LMO7: variants seen among roughly 807,000 people sequenced by gnomAD.
LMO7 encodes LIM domain only protein 7.
LMO7 carries 120 observed loss-of-function variants against 206.5 expected under a neutral mutation model. The ratio of observed to expected loss-of-function variants is 0.58; its 90% CI spans 0.50 to 0.68. The LOEUF is 0.68. Ranked by LOEUF, LMO7 falls within the 30% of genes least tolerant of loss-of-function variation. The probability of loss-of-function intolerance (pLI) is 0.00; values close to 1 mark genes in which losing one functional copy is unlikely to be tolerated. For synonymous variants in LMO7, 706 were observed against 681.5 expected, an observed-to-expected ratio of 1.04 and a Z score of -0.56; for missense variants, 1,959 against 1,957.9, an observed-to-expected ratio of 1.00 and a Z score of -0.01.
intron 1 of LMO7, among the ~76,000 whole-genome samples, chr13:75,660,232 C>G (rs946334322): frequency 9.9e-5 from 15 of 152,256 alleles, no homozygotes; most frequent in African/African-American, 3.6e-4. Context: ...TGCATTTTAG[C>G]AAGAGGGATT....
intron 1 of LMO7, among the ~76,000 whole-genome samples, chr13:75,702,942 G>A (rs1389335890): frequency 6.6e-6 from 1 of 152,194 alleles, no homozygotes; most frequent in Non-Finnish European, 1.5e-5. Context: ...GTGGTGACAA[G>A]CTTTCAACTT....
intron 28 of LMO7, among the ~76,000 whole-genome samples, chr13:75,854,627 T>C (rs1314424277): frequency 6.6e-6 from 1 of 152,098 alleles, no homozygotes. Context: ...AAAAGACCTG[T>C]ATACAAAAGT....
intron 4 of LMO7, among the ~76,000 whole-genome samples, chr13:75,774,297 G>C (rs2050108149): frequency 6.6e-6 from 1 of 152,070 alleles, no homozygotes; most frequent in African/African-American, 2.4e-5. Flanking sequence ...TATAAGAGGA[G>C]CATACAGTAT....
Position 75,845,374 on chromosome 13 carries a change from A to G in LMO7, c.4145A>G (p.Lys1382Arg). The part of the protein sequence containing the change: ...TTELDDYSTN[K>R]NGNNKYLDQI... ...GAACTGGATGATTACTCCACAAATA[A>G]AAATGGTAAATGCGATATTTTCCCC... The change falls in exon 26 of 31, where the codon AAA becomes AGA. Residue 1382 changes from lysine to arginine, a missense_variant. By Grantham distance (26) the Lys-to-Arg change is conservative. Coordinates refer to ENST00000377534, the MANE Select transcript of LMO7 (RefSeq NM_001306080.2). 1 of 1,580,110 alleles carries G rather than the reference A, an allele frequency of 6.3e-7. No homozygotes were observed. Among genetic ancestry groups the G allele is most frequent in the Non-Finnish European group, 8.7e-7 (1 of 1,152,160 alleles).
At chr13:75,631,774 A>G (rs1391727650), upstream of LMO7, 2 of 152,376 alleles carry the variant, frequency 1.3e-5, no homozygotes, top group Non-Finnish European at 2.9e-5. Context: ...AGCTGGGGGT[A>G]TCTGTTGACC....
intron 4 of LMO7, among the ~76,000 whole-genome samples, chr13:75,773,664 A>G (rs576559790): frequency 6.6e-6 from 1 of 152,178 alleles, no homozygotes; most frequent in Non-Finnish European, 1.5e-5. Context: ...AAGAAACAGA[A>G]AAGGTAGCTG....
In LMO7 at chr13:75,679,396, G is replaced by T. The variant is rs561837739; in HGVS notation, c.70-33786G>T. ...TACTTCTGTCTTCATAGCCAGAGTTGCTGAAACTTGGAAACGAGTAAGACT... is the reference window on the plus strand; with the variant it reads ...TACTTCTGTCTTCATAGCCAGAGTTTCTGAAACTTGGAAACGAGTAAGACT... On this transcript the variant is annotated intron_variant, in intron 1 of 30. Transcript: ENST00000377534. Among the ~76,000 whole-genome samples, 147 of 152,318 alleles carry T rather than the reference G, an allele frequency of 9.7e-4. 1 individual carries two copies. The highest frequency in any genetic ancestry group is 3.5e-3 in the African/African-American group (145 of 41,574).
intron 4 of LMO7, among the ~76,000 whole-genome samples, chr13:75,771,034 T>C (rs2049579383): frequency 6.6e-6 from 1 of 152,134 alleles, no homozygotes; most frequent in Non-Finnish European, 1.5e-5. Flanking sequence ...TATCATGAGT[T>C]GCTTTTTAAC....
At chr13:75,807,387 T>C (rs1005848942) in intron 9 of LMO7, 93 bp from the exon 10 acceptor site, 10 of 1,321,610 alleles carry the variant, frequency 7.6e-6, no homozygotes, top group Non-Finnish European at 9.2e-6. Context: ...GGCTAGTTGG[T>C]CTGCTAATCA....
At chr13:75,793,013 G>A (rs1042449280) in intron 4 of LMO7, among the ~76,000 whole-genome samples, 1 of 152,124 alleles carries the variant, frequency 6.6e-6, no homozygotes, top group African/African-American at 2.4e-5. Context: ...GTGGAAATGA[G>A]GTCAGGGGTT....
intron 2 of LMO7, among the ~76,000 whole-genome samples, chr13:75,721,573 T>C (rs946784820): frequency 1.3e-5 from 2 of 152,212 alleles, no homozygotes; most frequent in African/African-American, 4.8e-5. Context: ...AAATTGGTTT[T>C]TCATTCCTGA....
intron 21 of LMO7, 119 bp downstream of exon 21, chr13:75,840,229 C>T (rs2059462036): frequency 7.2e-7 from 1 of 1,379,684 alleles, no homozygotes; most frequent in Non-Finnish European, 1.0e-6. Flanking sequence ...AGTTATCCTT[C>T]CAAGTTGAAA....
At chr13:75,702,382 C>A (rs1384818988) in intron 1 of LMO7, among the ~76,000 whole-genome samples, 3 of 152,172 alleles carry the variant, frequency 2.0e-5, no homozygotes, top group Non-Finnish European at 4.4e-5. Flanking sequence ...AATGTTTAGA[C>A]TTTTGACCAC....
At chr13:75,747,754 A>C (rs2046964183) in intron 3 of LMO7, among the ~76,000 whole-genome samples, 1 of 152,178 alleles carries the variant, frequency 6.6e-6, no homozygotes, top group Non-Finnish European at 1.5e-5. Flanking sequence ...AATAGTGAAT[A>C]TGTTACAAGG....
intron 1 of LMO7, among the ~76,000 whole-genome samples, chr13:75,685,599 A>G (rs907675191): frequency 5.7e-5 from 8 of 141,356 alleles, no homozygotes; most frequent in Non-Finnish European, 1.1e-4. Context: ...TCAGCTGCTC[A>G]TTGTTTATAC....
rs1021892114 is a variant in LMO7 at position 75,800,561 on chromosome 13, C to G, written c.463-123C>G. ...TTTTTGCTGTGTCCGACAGAGAAACCTCATGCCTTACATGTCAAATAAAAC... is the reference window on the plus strand; with the variant it reads ...TTTTTGCTGTGTCCGACAGAGAAACGTCATGCCTTACATGTCAAATAAAAC... On this transcript the variant is annotated intron_variant, in intron 6 of 30. Transcript: ENST00000377534. 6 of 815,506 alleles carry G rather than the reference C, an allele frequency of 7.4e-6. No homozygotes were observed. The African/African-American group carries it at 1.0e-4, about 14-fold the overall frequency. The allele number at this position is 815,506 out of a possible 1,614,324, so 50.5% of individuals were successfully genotyped here.
At chr13:75,794,557 C>T (rs2053715137) in intron 4 of LMO7, among the ~76,000 whole-genome samples, 1 of 152,108 alleles carries the variant, frequency 6.6e-6, no homozygotes, top group Non-Finnish European at 1.5e-5. Flanking sequence ...TTAAAGTATA[C>T]TACTGTGCTG....
At chr13:75,840,673 A>G (rs1371734247) in intron 22 of LMO7, among the ~76,000 whole-genome samples, 178 bp downstream of exon 22, 2 of 152,212 alleles carry the variant, frequency 1.3e-5, no homozygotes, top group Non-Finnish European at 2.9e-5. Context: ...AGATTTCCAG[A>G]GTCATCCTTT....
At chr13:75,716,945 T>A (rs1044190713) in intron 2 of LMO7, among the ~76,000 whole-genome samples, 1 of 150,984 alleles carries the variant, frequency 6.6e-6, no homozygotes, top group Non-Finnish European at 1.5e-5. Context: ...TTGACGATAG[T>A]CTGATTGGGT....
Sources: gnomAD v4.1 joint callset for allele counts (sites outside exome capture counted in the v4.1 genomes callset) on GRCh38, gnomAD v4.1.1 for gene constraint, MANE v1.5 for transcripts, NCBI Gene and HGNC (gene_info 2026-07-23, HGNC 2026-07-21) for gene names.